Variants in PRKCE observed in about 807,000 individuals in gnomAD.
PRKCE encodes protein kinase C epsilon, also known as protein kinase C epsilon type.
A neutral mutation model predicts 85.4 loss-of-function variants in PRKCE; 16 were observed. The observed-to-expected ratio is 0.19, with a 90% CI of 0.13 to 0.28. The LOEUF (loss-of-function observed/expected upper bound fraction) is 0.28. PRKCE is among the 10% of genes least tolerant of loss of function. PRKCE has a pLI of 1.00. For missense variants in PRKCE, 573 were observed against 975.2 expected (o/e 0.59, Z 5.49); for synonymous variants, 388 against 371.5 (o/e 1.04, Z -0.51).
intron 1 of PRKCE, among the ~76,000 whole-genome samples, chr2:45,736,757 G>GT (rs1180482350): frequency 1.3e-5 from 2 of 152,210 alleles, no homozygotes; most frequent in Non-Finnish European, 2.9e-5. Context: ...GCATCCTCCA[G>GT]TAGATGTGAA....
chr2:45,743,551 G>C (rs1387776331), intron 1 of PRKCE, among the ~76,000 whole-genome samples: 1 of 151,888 alleles, frequency 6.6e-6, no homozygotes, highest in Non-Finnish European at 1.5e-5. Flanking sequence ...AGGAACCAGG[G>C]GGAGCTGATG....
At chr2:45,889,897 CACT>C (rs1409344334) in intron 2 of PRKCE, among the ~76,000 whole-genome samples, 1 of 152,230 alleles carries the variant, frequency 6.6e-6, no homozygotes, top group African/African-American at 2.4e-5. Context: ...AGGATAGAGT[CACT>C]ACCCCTTCGC....
intron 1 of PRKCE, among the ~76,000 whole-genome samples, chr2:45,680,351 C>T (rs770141852): frequency 6.6e-6 from 1 of 152,176 alleles, no homozygotes; most frequent in Admixed American, 6.5e-5. Flanking sequence ...GCTCTGTGTG[C>T]CCCCTTCTTT....
At chr2:46,008,500 C>T (rs1341216326) in intron 9 of PRKCE, among the ~76,000 whole-genome samples, 1 of 152,122 alleles carries the variant, frequency 6.6e-6, no homozygotes, top group Non-Finnish European at 1.5e-5. Context: ...TTCTGGGACC[C>T]CCTGAGAAGT....
intron 14 of PRKCE, among the ~76,000 whole-genome samples, chr2:46,161,674 G>T (rs1677776569): frequency 6.6e-6 from 1 of 152,164 alleles, no homozygotes; most frequent in African/African-American, 2.4e-5. Context: ...GAAGCCAGGG[G>T]GTTTTTATTG....
At chr2:45,760,945 T>G (rs1573238916) in intron 1 of PRKCE, among the ~76,000 whole-genome samples, 1 of 152,088 alleles carries the variant, frequency 6.6e-6, no homozygotes, top group Admixed American at 6.5e-5. Flanking sequence ...TATTCCCTGG[T>G]TTATCTTAAC....
At chr2:45,912,139 G>A (rs1697426262) in intron 2 of PRKCE, among the ~76,000 whole-genome samples, 1 of 152,090 alleles carries the variant, frequency 6.6e-6, no homozygotes, top group African/African-American at 2.4e-5. Flanking sequence ...GGGGAGAGAA[G>A]AACAATACCA....
intron 1 of PRKCE, among the ~76,000 whole-genome samples, chr2:45,758,531 C>T (rs1326911489): frequency 6.6e-6 from 1 of 152,176 alleles, no homozygotes; most frequent in African/African-American, 2.4e-5. Flanking sequence ...TTGAGATGAA[C>T]TCCTGCCTCA....
At chr2:46,113,563 A>G (rs1349643424) in intron 11 of PRKCE, among the ~76,000 whole-genome samples, 1 of 152,172 alleles carries the variant, frequency 6.6e-6, no homozygotes, top group Non-Finnish European at 1.5e-5. Context: ...AGTACTTTGG[A>G]CCTGACGAAG....
At chr2:45,755,082 G>A (rs1353785200) in intron 1 of PRKCE, among the ~76,000 whole-genome samples, 3 of 152,202 alleles carry the variant, frequency 2.0e-5, no homozygotes, top group South Asian at 2.1e-4. Flanking sequence ...GTGCATTGCT[G>A]AATTCCTCAT....
Position 45,954,242 on chromosome 2 carries a change from T to G in PRKCE, c.413-22187T>G, listed in dbSNP as rs572033393. The stretch of plus-strand genomic sequence containing the variant: ...TGCCTGTGTATTACTGAAATAAGTC[T>G]GTATACCCAAGCCAAATGACAGCTA... On this transcript the variant is annotated intron_variant, in intron 2 of 14. Transcript: ENST00000306156. Among the ~76,000 whole-genome samples the G allele has an allele frequency of 9.1e-4, 138 of 152,324 alleles. 1 individual carries two copies. Among genetic ancestry groups the G allele is most frequent in the Admixed American group, 8.3e-3 (127 of 15,300 alleles).
chr2:46,169,867 T>C (rs1366024808), intron 14 of PRKCE, among the ~76,000 whole-genome samples: 1 of 152,158 alleles, frequency 6.6e-6, no homozygotes, highest in Non-Finnish European at 1.5e-5. Flanking sequence ...CCACCTTGTA[T>C]CACAGGCAGT....
At chr2:46,060,656 G>T (rs541576298) in intron 10 of PRKCE, among the ~76,000 whole-genome samples, 1 of 151,768 alleles carries the variant, frequency 6.6e-6, no homozygotes, top group South Asian at 2.1e-4. Flanking sequence ...TCCCCTTCCC[G>T]TTGCTGTATG....
chr2:45,720,964 G>C (rs553232134), intron 1 of PRKCE, among the ~76,000 whole-genome samples: 2 of 151,950 alleles, frequency 1.3e-5, no homozygotes, highest in Non-Finnish European at 2.9e-5. Context: ...AAAATTAGCC[G>C]TGTGTGGTGG....
intron 11 of PRKCE, among the ~76,000 whole-genome samples, chr2:46,109,845 A>C (rs922798310): frequency 6.6e-6 from 1 of 152,100 alleles, no homozygotes; most frequent in African/African-American, 2.4e-5. Context: ...GTTTTTGTAG[A>C]TGCTCCCTAC....
intron 1 of PRKCE, among the ~76,000 whole-genome samples, chr2:45,691,495 A>G (rs1677722177): frequency 6.6e-6 from 1 of 152,228 alleles, no homozygotes; most frequent in South Asian, 2.1e-4. Flanking sequence ...AGAAAGAGAA[A>G]AGAGAATAAC....
At chr2:45,783,387 C>T (rs558327096) in intron 1 of PRKCE, among the ~76,000 whole-genome samples, 1 of 152,302 alleles carries the variant, frequency 6.6e-6, no homozygotes, top group East Asian at 1.9e-4. Flanking sequence ...CCCCCACCCA[C>T]CGAAGGCTGC....
At chr2:46,099,565 T>TGTTAGTTATTTCTTCCAGCGAA (rs1671019011) in intron 11 of PRKCE, among the ~76,000 whole-genome samples, 1 of 152,062 alleles carries the variant, frequency 6.6e-6, no homozygotes, top group African/African-American at 2.4e-5. Context: ...TTTTCCTGGC[T>TGTTAGTTATTTCTTCCAGCGAA]GTTAGTTATT....
intron 1 of PRKCE, among the ~76,000 whole-genome samples, chr2:45,669,524 G>A (rs1420409985): frequency 6.6e-6 from 1 of 152,202 alleles, no homozygotes; most frequent in African/African-American, 2.4e-5. Flanking sequence ...ATACAGTGGG[G>A]GCTCCAATAG....
Sources: allele counts gnomAD v4.1 joint callset (sites outside exome capture counted in the v4.1 genomes callset), GRCh38; gene constraint gnomAD v4.1.1; transcripts MANE v1.5; gene names NCBI Gene and HGNC (gene_info 2026-07-23, HGNC 2026-07-21).